Variants in CPAMD8 observed in about 807,000 individuals in gnomAD.
The protein encoded by CPAMD8 is C3 and PZP-like alpha-2-macroglobulin domain-containing protein 8.
CPAMD8 carries 146 observed loss-of-function variants against 224.7 expected under a neutral mutation model. The ratio of observed to expected loss-of-function variants is 0.65; its 90% CI spans 0.57 to 0.75. The LOEUF is 0.75. Ranked by LOEUF, CPAMD8 falls within the 30% of genes least tolerant of loss-of-function variation. The probability of loss-of-function intolerance (pLI) is 0.00; values close to 1 mark genes in which losing one functional copy is unlikely to be tolerated. For missense variants in CPAMD8, 2,301 were observed against 2,537.5 expected (o/e 0.91, Z 2.00); for synonymous variants, 966 against 1,044.6 (o/e 0.92, Z 1.45).
chr19:16,913,104 C>T (rs960994125), intron 29 of CPAMD8, among the ~76,000 whole-genome samples: 1 of 152,194 alleles, frequency 6.6e-6, no homozygotes, highest in Non-Finnish European at 1.5e-5. Context: ...GTGCAGCATC[C>T]TGGGTGCTGT....
intron 13 of CPAMD8, among the ~76,000 whole-genome samples, chr19:16,985,489 G>C (rs1003966996): frequency 6.6e-6 from 1 of 151,486 alleles, no homozygotes; most frequent in African/African-American, 2.4e-5. Context: ...GTGGATGAAG[G>C]GCAGACGGAA....
intron 29 of CPAMD8, among the ~76,000 whole-genome samples, chr19:16,912,166 A>G (rs542051257): frequency 1.1e-4 from 16 of 152,304 alleles, no homozygotes; most frequent in Middle Eastern, 6.8e-3. Context: ...TGCACAATAA[A>G]TGTAATGCTC....
chr19:17,008,485 C>T lies in CPAMD8; in HGVS notation c.559+20G>A, dbSNP rs1323440530. 6 of 1,612,276 alleles carry T rather than the reference C, an allele frequency of 3.7e-6. No individual in the cohort carries two copies. The highest frequency in any genetic ancestry group is 5.1e-6 in the Non-Finnish European group (6 of 1,179,940). ...GTTTATCACATCTGCAGCCCCCAAG[C>T]CGCAGAGGAAGAAACTTACCGCAGC... On this transcript the variant is annotated intron_variant, in intron 7 of 41. Transcript: ENST00000443236.
chr19:16,929,918 G>T (rs1212196406), intron 23 of CPAMD8, among the ~76,000 whole-genome samples: 1 of 152,126 alleles, frequency 6.6e-6, no homozygotes, highest in African/African-American at 2.4e-5. Flanking sequence ...ATCCCAGGAG[G>T]CTCTTTTGGA....
At chr19:16,912,199 C>T (rs2052754107) in intron 29 of CPAMD8, among the ~76,000 whole-genome samples, 1 of 152,186 alleles carries the variant, frequency 6.6e-6, no homozygotes, top group African/African-American at 2.4e-5. Context: ...AAACTACCCC[C>T]TCTTCCCCAG....
chr19:16,957,714 G>A lies in CPAMD8; in HGVS notation c.2276+139C>T, dbSNP rs1457091. 0.19 allele frequency: 149,157 copies of A among 770,326 alleles called. 15,294 individuals are homozygous for A. The highest frequency in any genetic ancestry group is 0.26 in the Admixed American group (11,400 of 43,386). The allele number at this position is 770,326 out of a possible 1,614,324, so 47.7% of individuals were successfully genotyped here. On this transcript the variant is annotated intron_variant, in intron 19 of 41. Transcript: ENST00000443236. ...GGCTGGCTTCATGGCTTGAAGTTTT[G>A]TGTGTTAGAAAAAGATGCACAGTGT...
At chr19:17,016,833 A>T (rs1284398232) in intron 3 of CPAMD8, among the ~76,000 whole-genome samples, 1 of 151,520 alleles carries the variant, frequency 6.6e-6, no homozygotes, top group Non-Finnish European at 1.5e-5. Flanking sequence ...GAAGGAAGGG[A>T]GGAGGGAGGA....
chr19:17,003,854 G>A (rs2056407189), intron 8 of CPAMD8, among the ~76,000 whole-genome samples: 1 of 150,774 alleles, frequency 6.6e-6, no homozygotes, highest in Non-Finnish European at 1.5e-5. Flanking sequence ...TCAGTAAACG[G>A]GGACTCATGT....
chr19:16,921,830 A>G, intron 27 of CPAMD8, 75 bp downstream of exon 27: 2 of 934,690 alleles, frequency 2.1e-6, no homozygotes, highest in Non-Finnish European at 1.7e-6. Flanking sequence ...TGATCTGGTC[A>G]CACTGCATTG....
intron 17 of CPAMD8, among the ~76,000 whole-genome samples, chr19:16,974,226 G>A (rs8107628): frequency 0.31 from 47,397 of 151,330 alleles, 9,028 homozygotes; most frequent in African/African-American, 0.54. Context: ...CCGCCTCCCA[G>A]GTTCACGCCA....
At chr19:17,000,048 T>G (rs150826176) in intron 10 of CPAMD8, among the ~76,000 whole-genome samples, 100 of 152,350 alleles carry the variant, frequency 6.6e-4, no homozygotes, top group Middle Eastern at 3.4e-3. Flanking sequence ...ATAGTGGTCA[T>G]GTCCACCTAT....
chr19:16,902,835 G>A lies in CPAMD8; in HGVS notation c.4499C>T (p.Pro1500Leu), dbSNP rs776617277. The A allele has an allele frequency of 1.6e-5, 25 of 1,554,536 alleles. No individual in the cohort carries two copies. Among genetic ancestry groups the A allele is most frequent in the Non-Finnish European group, 2.0e-5 (23 of 1,147,172 alleles). ...QIDVTYNVPD[P>L]VAKPAFQLLV... ...CAGCTGGAAAGCTGGCTTGGCCACC[G>A]GGTCAGGCACATTGTAGGTGACATC... Residue 1500 changes from proline to leucine, a missense_variant, in exon 35 of 42, where the codon CCG becomes CTG. Pro to Leu is a moderately conservative substitution (Grantham distance 98). Transcript: ENST00000443236.
chr19:16,925,411 C>T (rs2053326405), intron 25 of CPAMD8, 39 bp from the exon 26 acceptor site: 1 of 1,534,776 alleles, frequency 6.5e-7, no homozygotes, highest in Non-Finnish European at 9.0e-7. Flanking sequence ...GGGGGCTGTC[C>T]CAGTTCAGTA....
chr19:16,943,753 T>A (rs11882972), intron 22 of CPAMD8, among the ~76,000 whole-genome samples: 47,199 of 151,966 alleles, frequency 0.31, 9,020 homozygotes, highest in African/African-American at 0.54. Flanking sequence ...AGCACGTGGG[T>A]CTTTAGTAGA....
At chr19:17,004,947 A>AGCACTGAGGGGT in intron 7 of CPAMD8, among the ~76,000 whole-genome samples, 1 of 150,410 alleles carries the variant, frequency 6.6e-6, no homozygotes, top group East Asian at 2.0e-4. Flanking sequence ...GAAATCCCAG[A>AGCACTGAGGGGT]GAGAGAGAGA....
chr19:16,952,124 G>A lies in CPAMD8; in HGVS notation c.2353C>T (p.Leu785=). Residue 785 remains leucine (L), a synonymous_variant, in exon 20 of 42, where the codon CTG becomes TTG. Coordinates refer to ENST00000443236, the MANE Select transcript of CPAMD8 (RefSeq NM_015692.5). The part of the protein sequence containing the change: ...ITSWVGEAVA[L]STSQGLGIAE... ...ATGCCTAAGCCCTGAGAGGTGGACAGGGCCACGGCCTCACCCACCCAGCTG... is the reference window on the plus strand; with the variant it reads ...ATGCCTAAGCCCTGAGAGGTGGACAAGGCCACGGCCTCACCCACCCAGCTG... 1.3e-6 allele frequency: 2 copies of A among 1,552,954 alleles called. No individual in the cohort carries two copies. The highest frequency in any genetic ancestry group is 2.7e-5 in the African/African-American group (2 of 73,274).
At chr19:16,936,920 C>T (rs1270977833) in intron 23 of CPAMD8, among the ~76,000 whole-genome samples, 1 of 152,060 alleles carries the variant, frequency 6.6e-6, no homozygotes, top group Non-Finnish European at 1.5e-5. Flanking sequence ...ATAGATTGTA[C>T]TTTTCAAGTC....
In CPAMD8 at chr19:16,906,370, CTTTCTTTCTTT is replaced by C. The variant is rs1376306801; in HGVS notation, c.4027+571_4027+581del. ...TCTTTCTTTCTTTCTTTCTTTCTTT[CTTTCTTTCTTT>C]CTTTCTTTCTTTCTTTCTTTCTTTC... On this transcript the variant is annotated intron_variant, in intron 30 of 41. Coordinates refer to ENST00000443236, the MANE Select transcript of CPAMD8 (RefSeq NM_015692.5). Among the ~76,000 whole-genome samples, 391 of 90,752 alleles carry C rather than the reference CTTTCTTTCTTT, an allele frequency of 4.3e-3. 4 individuals carry two copies. Among genetic ancestry groups the C allele is most frequent in the African/African-American group, 0.018 (381 of 21,120 alleles). 59.5% of individuals were successfully genotyped at this position (90,752 alleles called of 152,430 possible).
At chr19:16,956,006 G>C (rs550436494) in intron 19 of CPAMD8, among the ~76,000 whole-genome samples, 8 of 152,120 alleles carry the variant, frequency 5.3e-5, no homozygotes, top group Non-Finnish European at 1.2e-4. Context: ...AAAGAGAGTT[G>C]ACCAGTCCTC....
Sources: allele counts gnomAD v4.1 joint callset (sites outside exome capture counted in the v4.1 genomes callset), GRCh38; gene constraint gnomAD v4.1.1; transcripts MANE v1.5; gene names NCBI Gene and HGNC (gene_info 2026-07-23, HGNC 2026-07-21).